Variants in WDFY3 observed in about 807,000 individuals in gnomAD.
WDFY3 encodes the protein WD repeat and FYVE domain containing 3, also known as WD repeat and FYVE domain-containing protein 3.
In WDFY3, 66 loss-of-function variants were observed where a neutral mutation model predicts 409.6. That is an observed-to-expected ratio of 0.16 (90% confidence interval 0.13 to 0.20). The LOEUF is 0.20. WDFY3 is among the 10% of genes least tolerant of loss of function. WDFY3 has a pLI of 1.00. For synonymous variants in WDFY3, 1,521 were observed against 1,537.1 expected (o/e 0.99, Z 0.25); for missense variants, 3,031 against 4,298.1 (o/e 0.71, Z 8.24).
intron 44 of WDFY3, among the ~76,000 whole-genome samples, chr4:84,732,651 T>TAAC: frequency 6.6e-6 from 1 of 152,196 alleles, no homozygotes; most frequent in Non-Finnish European, 1.5e-5. Context: ...ACCTTGTTTA[T>TAAC]TTCATGTAAC....
chr4:84,688,018 C>G, intron 62 of WDFY3, 68 bp downstream of exon 62: 1 of 1,515,034 alleles, frequency 6.6e-7, no homozygotes, highest in South Asian at 1.2e-5. Flanking sequence ...CTGAGCCCCA[C>G]CATTTTTAAT....
chr4:84,887,789 T>C (rs1454969272), intron 3 of WDFY3, among the ~76,000 whole-genome samples: 1 of 152,208 alleles, frequency 6.6e-6, no homozygotes, highest in East Asian at 1.9e-4. Context: ...AAATGGAAGC[T>C]CTTTGTCTTT....
intron 56 of WDFY3, among the ~76,000 whole-genome samples, chr4:84,699,808 A>C (rs1002807768): frequency 6.6e-6 from 1 of 151,938 alleles, no homozygotes; most frequent in African/African-American, 2.4e-5. Context: ...CTAATGACTA[A>C]TGATGTTCAG....
intron 1 of WDFY3, among the ~76,000 whole-genome samples, chr4:84,956,607 C>T (rs1247277291): frequency 6.6e-6 from 1 of 152,128 alleles, no homozygotes; most frequent in Non-Finnish European, 1.5e-5. Flanking sequence ...ATTTATAGTC[C>T]TCTAAACTCC....
chr4:84,809,137 T>C (rs1752044085), intron 14 of WDFY3: 1 of 152,184 alleles, frequency 6.6e-6, no homozygotes, highest in Non-Finnish European at 1.5e-5. Context: ...ACATCTTCAT[T>C]GAAAACACAG....
intron 22 of WDFY3, among the ~76,000 whole-genome samples, chr4:84,789,385 G>A (rs1353413714): frequency 1.3e-5 from 2 of 152,074 alleles, no homozygotes; most frequent in Non-Finnish European, 2.9e-5. Flanking sequence ...CAATAATGAA[G>A]TGGCAAAATA....
intron 2 of WDFY3, among the ~76,000 whole-genome samples, chr4:84,931,377 T>C (rs1770744585): frequency 6.6e-6 from 1 of 152,208 alleles, no homozygotes; most frequent in Admixed American, 6.5e-5. Context: ...AAATCAGTAT[T>C]GAGTGCTTAG....
At chr4:84,794,471 T>G in intron 21 of WDFY3, 48 bp downstream of exon 21, 1 of 1,531,478 alleles carries the variant, frequency 6.5e-7, no homozygotes. Flanking sequence ...AAAAATGAAG[T>G]TTTAATACTT....
intron 5 of WDFY3, among the ~76,000 whole-genome samples, chr4:84,845,959 C>T (rs893709919): frequency 6.7e-5 from 10 of 150,148 alleles, no homozygotes; most frequent in African/African-American, 2.4e-4. Context: ...AATTTAGGTG[C>T]TATTAATACA....
At chr4:84,721,674 A>G (rs776859104) in intron 46 of WDFY3, 102 bp from the exon 47 acceptor site, 8 of 1,422,636 alleles carry the variant, frequency 5.6e-6, no homozygotes, top group Non-Finnish European at 7.6e-6. Flanking sequence ...AATTTGAGAC[A>G]ATTTTGGAAG....
intron 2 of WDFY3, among the ~76,000 whole-genome samples, chr4:84,907,161 T>C (rs1002663135): frequency 7.9e-5 from 12 of 152,134 alleles, no homozygotes; most frequent in African/African-American, 2.9e-4. Context: ...TAAATTACTG[T>C]CCCATTCTGT....
rs572316691 is a variant in WDFY3, at chr4:84,900,521, A to T, written c.-131-3511T>A. ...AGCCACTGCATCCAGATTGTGAATG[A>T]ATTATTGTTACATATAAAAACTTGG... On this transcript the variant is annotated intron_variant, in intron 2 of 67. Coordinates refer to ENST00000295888, the MANE Select transcript of WDFY3 (RefSeq NM_014991.6). 2.0e-5 allele frequency among the ~76,000 whole-genome samples: 3 copies of T among 152,304 alleles called. No homozygotes were observed. In the East Asian group the frequency reaches 5.8e-4, roughly 29 times the overall value.
chr4:84,918,536 A>G (rs1768812468), intron 2 of WDFY3, among the ~76,000 whole-genome samples: 1 of 152,126 alleles, frequency 6.6e-6, no homozygotes. Flanking sequence ...ATAAACCAAA[A>G]AACAATAAGG....
chr4:84,818,863 G>A (rs1274541184), intron 12 of WDFY3, among the ~76,000 whole-genome samples: 1 of 152,104 alleles, frequency 6.6e-6, no homozygotes, highest in Non-Finnish European at 1.5e-5. Flanking sequence ...GTGACTTTTA[G>A]TCGTGCAGAG....
At chr4:84,879,960 T>A (rs937875119) in intron 3 of WDFY3, among the ~76,000 whole-genome samples, 1 of 152,200 alleles carries the variant, frequency 6.6e-6, no homozygotes, top group African/African-American at 2.4e-5. Context: ...TAATGGCCCC[T>A]AAAGACGTCT....
rs1479820685 is a variant in WDFY3, at chr4:84,780,296, C to T, written c.4177G>A (p.Val1393Ile). The T allele has an allele frequency of 6.2e-7, 1 of 1,604,806 alleles. No individual in the cohort carries two copies. Among genetic ancestry groups the T allele is most frequent in the Non-Finnish European group, 8.5e-7 (1 of 1,176,002 alleles). The change falls in exon 26 of 68, where the codon GTA (valine) becomes ATA (isoleucine). Residue 1393 changes from valine to isoleucine, a missense_variant and splice_region_variant. Physicochemically the swap from Val to Ile is conservative, Grantham distance 29 (BLOSUM62 3). Transcript: ENST00000295888. ...IGAALIGYLG[V>I]RTFVPKPVAT... is the part of the protein sequence containing the mutation. ...ACAGGCTTAGGGACAAATGTTCTTA[C>T]TCCTGATTAAAAGATAGTGAAAAAT...
chr4:84,799,681 T>A lies in WDFY3; in HGVS notation c.2823-1573A>T, dbSNP rs115919297. Reference sequence around the variant, plus strand: ...CCTCCATAACCTGTCATTTATAACATCATGTTAAAAAAAAAAGTAGAATAC... The same window carrying A: ...CCTCCATAACCTGTCATTTATAACAACATGTTAAAAAAAAAAGTAGAATAC... On this transcript the variant is annotated intron_variant, in intron 17 of 67. Transcript: ENST00000295888. 8.8e-3 allele frequency among the ~76,000 whole-genome samples: 1,341 copies of A among 151,936 alleles called. 8 individuals carry two copies. Among genetic ancestry groups the A allele is most frequent in the Non-Finnish European group, 0.013 (865 of 67,946 alleles).
intron 19 of WDFY3, among the ~76,000 whole-genome samples, chr4:84,795,782 A>G (rs1749326807): frequency 6.6e-6 from 1 of 152,018 alleles, no homozygotes; most frequent in African/African-American, 2.4e-5. Context: ...AAAAAAAACA[A>G]AACTCTAATA....
At chr4:84,844,636 T>C (rs1389029675) in intron 5 of WDFY3, 3 of 669,070 alleles carry the variant, frequency 4.5e-6, no homozygotes, top group South Asian at 1.7e-5. Context: ...ATATTGGGGA[T>C]TGCACTACTA....
Sources: allele counts gnomAD v4.1 joint callset (sites outside exome capture counted in the v4.1 genomes callset), GRCh38; gene constraint gnomAD v4.1.1; transcripts MANE v1.5; gene names NCBI Gene and HGNC (gene_info 2026-07-23, HGNC 2026-07-21).